Variants in CYB5R4 observed in about 807,000 individuals in gnomAD.
The protein encoded by CYB5R4 is N-terminal cytochrome b5 and cytochrome b5 oxidoreductase domain-containing protein.
CYB5R4 carries 55 observed loss-of-function variants against 70.2 expected under a neutral mutation model. That is an observed-to-expected ratio of 0.78 (90% confidence interval 0.63 to 0.98). CYB5R4 has a LOEUF of 0.98. Among genes scored for constraint, CYB5R4 ranks in the 50% least tolerant of loss-of-function variants. The probability of loss-of-function intolerance (pLI) is 0.00; values close to 1 mark genes in which losing one functional copy is unlikely to be tolerated. For missense variants in CYB5R4, 562 were observed against 612.6 expected (o/e 0.92, Z 0.87); for synonymous variants, 197 against 199.5 (o/e 0.99, Z 0.11).
chr6:83,934,457 AT>A, intron 10 of CYB5R4, 137 bp from the exon 11 acceptor site: 1 of 577,982 alleles, frequency 1.7e-6, no homozygotes, highest in South Asian at 2.8e-5. Flanking sequence ...ATATTGATTA[AT>A]TTTTTAAATG....
At chr6:83,908,497 G>A (rs1190440098) in intron 3 of CYB5R4, among the ~76,000 whole-genome samples, 1 of 152,062 alleles carries the variant, frequency 6.6e-6, no homozygotes, top group Admixed American at 6.5e-5. Context: ...ATAAAAATAT[G>A]TACCCAAGGG....
intron 2 of CYB5R4, among the ~76,000 whole-genome samples, chr6:83,868,969 G>A (rs1441968926): frequency 6.6e-6 from 1 of 152,204 alleles, no homozygotes; most frequent in African/African-American, 2.4e-5. Context: ...GTTGACTACA[G>A]CCAAAGGACT....
At chr6:83,956,092 T>A (rs557070287) in intron 15 of CYB5R4, among the ~76,000 whole-genome samples, 1 of 152,334 alleles carries the variant, frequency 6.6e-6, no homozygotes, top group Non-Finnish European at 1.5e-5. Flanking sequence ...ATGGCTGTTC[T>A]AAGTGCCCTA....
chr6:83,911,114 A>G (rs1014118435), intron 4 of CYB5R4, among the ~76,000 whole-genome samples: 22 of 152,202 alleles, frequency 1.4e-4, no homozygotes, highest in African/African-American at 5.3e-4. Flanking sequence ...AAAAACAAGA[A>G]TTAGGCCTGG....
chr6:83,939,591 A>G (rs2099469435), intron 12 of CYB5R4, among the ~76,000 whole-genome samples: 1 of 152,224 alleles, frequency 6.6e-6, no homozygotes, highest in African/African-American at 2.4e-5. Context: ...CTCTCCTACT[A>G]ATCCTGTTAC....
At chr6:83,860,832 G>A (rs996290653) in intron 1 of CYB5R4, among the ~76,000 whole-genome samples, 3 of 152,190 alleles carry the variant, frequency 2.0e-5, no homozygotes, top group African/African-American at 2.4e-5. Context: ...ACGGGTGGCC[G>A]TGTATATTCT....
Position 83,921,091 on chromosome 6 carries a change from T to C in CYB5R4, c.574T>C (p.Leu192=). The C allele has an allele frequency of 6.6e-7, 1 of 1,508,732 alleles. No homozygotes were observed. The highest frequency in any genetic ancestry group is 2.2e-5 in the Admixed American group (1 of 46,412). The allele number at this position is 1,508,732 out of a possible 1,614,324, so 93.5% of individuals were successfully genotyped here. The part of the protein sequence containing the change: ...AIYTKQKDIN[L]DSIIVDHQND... ...TTGCTTTCTCTTTAAGGATATCAAT[T>C]TAGACTCAATAATAGTTGATCATCA... Residue 192 remains leucine (L), a synonymous_variant, in exon 8 of 16, where the codon TTA becomes CTA. Coordinates refer to ENST00000369681, the MANE Select transcript of CYB5R4 (RefSeq NM_016230.4).
At chr6:83,900,414 G>T (rs946304443) in intron 3 of CYB5R4, among the ~76,000 whole-genome samples, 1 of 152,102 alleles carries the variant, frequency 6.6e-6, no homozygotes, top group Non-Finnish European at 1.5e-5. Flanking sequence ...GAATAAGTGC[G>T]GTGTGGTGCT....
intron 14 of CYB5R4, among the ~76,000 whole-genome samples, chr6:83,944,995 T>C (rs2099470343): frequency 6.6e-6 from 1 of 151,770 alleles, no homozygotes; most frequent in South Asian, 2.1e-4. Context: ...AACACCCTAC[T>C]GTCAATATTA....
At chr6:83,893,277 CTTCT>C (rs2099461415) in intron 2 of CYB5R4, among the ~76,000 whole-genome samples, 1 of 152,170 alleles carries the variant, frequency 6.6e-6, no homozygotes, top group Non-Finnish European at 1.5e-5. Context: ...GTGCTAAACT[CTTCT>C]TTGTCTCTGA....
chr6:83,955,207 C>T (rs989264619), intron 14 of CYB5R4, 91 bp from the exon 15 acceptor site: 7 of 1,062,014 alleles, frequency 6.6e-6, no homozygotes, highest in African/African-American at 3.2e-5. Flanking sequence ...TAAATTGTTC[C>T]TTTAGGGGAG....
intron 5 of CYB5R4, among the ~76,000 whole-genome samples, chr6:83,915,724 T>C (rs2099465395): frequency 6.6e-6 from 1 of 152,212 alleles, no homozygotes; most frequent in African/African-American, 2.4e-5. Context: ...TATCTGTCTA[T>C]CTATATATTT....
rs376264986 is a variant in CYB5R4, at chr6:83,904,567, A to T, written c.331-4442A>T. On this transcript the variant is annotated intron_variant, in intron 3 of 15. Coordinates refer to ENST00000369681, the MANE Select transcript of CYB5R4 (RefSeq NM_016230.4). Reference sequence around the variant, plus strand: ...GTCCATTGGTCTGAAGTCCAGTTTAAATCCAATGTTTGTTGATTTTTCTCC... The same window carrying T: ...GTCCATTGGTCTGAAGTCCAGTTTATATCCAATGTTTGTTGATTTTTCTCC... 2.0e-3 allele frequency among the ~76,000 whole-genome samples: 304 copies of T among 152,304 alleles called. 1 individual carries two copies. The highest frequency in any genetic ancestry group is 7.0e-3 in the African/African-American group (291 of 41,558).
Position 83,899,659 on chromosome 6 carries a change from T to C in CYB5R4, c.330+6037T>C, listed in dbSNP as rs1003449674. On this transcript the variant is annotated intron_variant, in intron 3 of 15. Transcript: ENST00000369681. ...AATTTCAGAGCCTGTTATTGGACTA[T>C]TCAGGGATTCAACTTCTTCCTGGTT... is the stretch of plus-strand genomic sequence containing the variant. 1.2e-4 allele frequency among the ~76,000 whole-genome samples: 19 copies of C among 152,202 alleles called. 1 individual carries two copies. The highest frequency in any genetic ancestry group is 8.8e-5 in the Non-Finnish European group (6 of 68,016).
chr6:83,860,839 TTCTC>T (rs1562823831), intron 1 of CYB5R4, among the ~76,000 whole-genome samples: 1 of 152,246 alleles, frequency 6.6e-6, no homozygotes, highest in Non-Finnish European at 1.5e-5. Flanking sequence ...GCCGTGTATA[TTCTC>T]AGTGCTTTGC....
chr6:83,913,484 G>T (rs62419731), intron 4 of CYB5R4, among the ~76,000 whole-genome samples: 24,440 of 151,958 alleles, frequency 0.16, 3,875 homozygotes, highest in African/African-American at 0.4. Flanking sequence ...TGCTGTATGT[G>T]GTAAATTCCT....
intron 11 of CYB5R4, among the ~76,000 whole-genome samples, chr6:83,935,947 A>G (rs1467493898): frequency 6.6e-6 from 1 of 152,036 alleles, no homozygotes; most frequent in Non-Finnish European, 1.5e-5. Flanking sequence ...ATGGTTGTCT[A>G]AAATTATTAC....
chr6:83,886,623 G>A (rs1328661531), intron 2 of CYB5R4, among the ~76,000 whole-genome samples: 1 of 152,188 alleles, frequency 6.6e-6, no homozygotes, highest in Non-Finnish European at 1.5e-5. Context: ...CCTAGGGGTA[G>A]GGTGGATGGG....
intron 3 of CYB5R4, among the ~76,000 whole-genome samples, chr6:83,898,654 T>C (rs2099462339): frequency 6.6e-6 from 1 of 152,204 alleles, no homozygotes; most frequent in African/African-American, 2.4e-5. Context: ...CAGTGGTTTG[T>C]AGTTCTCCTT....
Sources: allele counts gnomAD v4.1 joint callset (sites outside exome capture counted in the v4.1 genomes callset), GRCh38; gene constraint gnomAD v4.1.1; transcripts MANE v1.5; gene names NCBI Gene and HGNC (gene_info 2026-07-23, HGNC 2026-07-21).